ATP8B1: variants seen among roughly 807,000 people sequenced by gnomAD.
The protein encoded by ATP8B1 is phospholipid-transporting ATPase IC.
Under a neutral mutation model 149.9 loss-of-function variants are expected in ATP8B1, and 80 were observed. The observed-to-expected ratio is 0.53, with a 90% CI of 0.45 to 0.64. The LOEUF (loss-of-function observed/expected upper bound fraction) is 0.64, where lower values mean the gene tolerates loss of function less well. Among genes scored for constraint, ATP8B1 ranks in the 30% least tolerant of loss-of-function variants. The probability of loss-of-function intolerance (pLI) is 0.00; values close to 1 mark genes in which losing one functional copy is unlikely to be tolerated. For missense variants in ATP8B1, 1,247 were observed against 1,552.6 expected, an observed-to-expected ratio of 0.80 and a Z score of 3.31; for synonymous variants, 536 against 562.8, an observed-to-expected ratio of 0.95 and a Z score of 0.67.
chr18:57,661,674 T>TACAC (rs1360057007), intron 21 of ATP8B1, among the ~76,000 whole-genome samples: 1,273 of 39,412 alleles, frequency 0.032, 19 homozygotes, highest in African/African-American at 0.087. Context: ...TGTGTATGTA[T>TACAC]ATACACACAC....
chr18:57,766,859 C>T (rs1405767131), intron 1 of ATP8B1, among the ~76,000 whole-genome samples: 3 of 152,160 alleles, frequency 2.0e-5, no homozygotes, highest in African/African-American at 7.2e-5. Context: ...TCAAGAAAGC[C>T]TTTCCTAGAG....
At chr18:57,754,502 A>T (rs949789593) in intron 1 of ATP8B1, among the ~76,000 whole-genome samples, 9 of 152,122 alleles carry the variant, frequency 5.9e-5, no homozygotes, top group African/African-American at 2.2e-4. Context: ...TATCATCTGT[A>T]AAATGAGTAA....
chr18:57,798,676 G>A (rs2080542578), intron 1 of ATP8B1, among the ~76,000 whole-genome samples: 1 of 152,180 alleles, frequency 6.6e-6, no homozygotes, highest in Non-Finnish European at 1.5e-5. Flanking sequence ...CTGATGTGAT[G>A]GGTAAAGGGG....
At position 57,668,508 on chromosome 18, in the gene ATP8B1, T is replaced by C. The variant is rs1438667796; in HGVS notation, c.2130A>G (p.Leu710=). The change falls in exon 19 of 28, where the codon CTA becomes CTG. Residue 710 remains leucine, a synonymous_variant. Transcript: ENST00000648908. ...LLGATAIEDK[L]QDGVPETISK... ...AAATGGTTTCTGGAACTCCATCCTG[T>C]AGCTTGTCTTCAATAGCTGTAGCTC... 1 of 1,609,948 alleles carries C rather than the reference T, an allele frequency of 6.2e-7. No homozygotes were observed. Among genetic ancestry groups the C allele is most frequent in the East Asian group, 2.2e-5 (1 of 44,802 alleles).
chr18:57,671,685 C>A, intron 16 of ATP8B1, 105 bp from the exon 17 acceptor site: 2 of 787,382 alleles, frequency 2.5e-6, no homozygotes, highest in South Asian at 2.9e-5. Context: ...TGCAGCAGTT[C>A]AGTATCGGCT....
intron 4 of ATP8B1, among the ~76,000 whole-genome samples, 173 bp from the exon 5 acceptor site, chr18:57,701,486 T>C (rs1913119670): frequency 6.6e-6 from 1 of 152,208 alleles, no homozygotes; most frequent in Non-Finnish European, 1.5e-5. Flanking sequence ...AACCTCCTTC[T>C]AGTGGTTCTC....
intron 1 of ATP8B1, among the ~76,000 whole-genome samples, chr18:57,751,979 G>GC (rs2080025320): frequency 6.6e-6 from 1 of 152,058 alleles, no homozygotes; most frequent in African/African-American, 2.4e-5. Context: ...GCCGAGGTGG[G>GC]CAGATTGCTT....
chr18:57,781,494 G>A (rs2080356568), intron 1 of ATP8B1, among the ~76,000 whole-genome samples: 1 of 152,176 alleles, frequency 6.6e-6, no homozygotes, highest in African/African-American at 2.4e-5. Context: ...AAGATTAGGG[G>A]AGGTGTGAGT....
At chr18:57,692,515 A>C (rs184080317) in intron 11 of ATP8B1, among the ~76,000 whole-genome samples, 1 of 145,578 alleles carries the variant, frequency 6.9e-6, no homozygotes, top group Admixed American at 7.3e-5. Context: ...GGCTCACTAC[A>C]ACCTCCACCT....
At position 57,671,724 on chromosome 18, in the gene ATP8B1, G is replaced by A; in HGVS notation, c.1820-144C>T. ...TGTAGCCTCGACCCCCCAGGCTCAA[G>A]CAATCCTCCCATCTCAGCCTCCCGA... is the stretch of plus-strand genomic sequence containing the variant. On this transcript the variant is annotated intron_variant, in intron 16 of 27. Transcript: ENST00000648908. 8 of 652,092 alleles carry A rather than the reference G, an allele frequency of 1.2e-5. 1 individual carries two copies. The South Asian group carries it at 1.3e-4, about 10-fold the overall frequency. 40.4% of individuals were successfully genotyped at this position (652,092 alleles called of 1,614,324 possible).
At chr18:57,731,071 A>AC (rs1408598689) in intron 2 of ATP8B1, among the ~76,000 whole-genome samples, 19 of 152,054 alleles carry the variant, frequency 1.2e-4, no homozygotes, top group African/African-American at 4.1e-4. Flanking sequence ...AGGTGGGCAG[A>AC]TCCCTTGAGC....
intron 1 of ATP8B1, among the ~76,000 whole-genome samples, chr18:57,783,695 G>A (rs572214542): frequency 2.6e-5 from 4 of 152,204 alleles, no homozygotes; most frequent in Admixed American, 2.6e-4. Context: ...AATTAGCCAG[G>A]CATGGTGGCA....
At chr18:57,648,882 G>GTGTGTATGTA (rs1909396158) in intron 27 of ATP8B1, among the ~76,000 whole-genome samples, 170 bp from the exon 28 acceptor site, 1 of 134,668 alleles carries the variant, frequency 7.4e-6, no homozygotes, top group African/African-American at 3.0e-5. Context: ...GTGTGTGTGT[G>GTGTGTATGTA]TGTGTATGTG....
In ATP8B1 at chr18:57,661,380, A is replaced by C. The variant is rs750722728; in HGVS notation, c.2501T>G (p.Met834Arg). 1 of 1,613,776 alleles carries C rather than the reference A, an allele frequency of 6.2e-7. No individual in the cohort carries two copies. Among genetic ancestry groups the C allele is most frequent in the African/African-American group, 1.3e-5 (1 of 74,820 alleles). Residue 834 changes from methionine (M) to arginine (R), a missense_variant, in exon 22 of 28, where the codon ATG becomes AGG. Transcript: ENST00000648908. ...KFPRTEEERR[M>R]RTQSKRRLEA... ...TAGCCTCCTTTTACTTTGGGTCCGC[A>C]TCCGTCTTTCTTCTTCTGTTCTTGG...
chr18:57,667,448 T>TA (rs779535693), intron 19 of ATP8B1: 69 of 426,944 alleles, frequency 1.6e-4, no homozygotes, highest in Non-Finnish European at 2.7e-4. Flanking sequence ...GGCTCATTCT[T>TA]ACTGTTGAAC....
chr18:57,722,130 CCA>C (rs1327665539), intron 2 of ATP8B1, among the ~76,000 whole-genome samples: 13 of 147,430 alleles, frequency 8.8e-5, no homozygotes, highest in Non-Finnish European at 1.2e-4. Flanking sequence ...CACTAAATGC[CCA>C]CAAGAGAAAG....
intron 2 of ATP8B1, among the ~76,000 whole-genome samples, chr18:57,720,733 G>A (rs1310505995): frequency 1.5e-5 from 2 of 134,240 alleles, no homozygotes; most frequent in Non-Finnish European, 3.2e-5. Context: ...TCAGATTCAG[G>A]AAATACAGAG....
intron 1 of ATP8B1, among the ~76,000 whole-genome samples, chr18:57,764,794 TTGG>T (rs767103560): frequency 5.2e-4 from 77 of 148,682 alleles, no homozygotes; most frequent in Non-Finnish European, 8.1e-4. Flanking sequence ...AAAATAAGTG[TTGG>T]TGAGGCTGCA....
At chr18:57,680,661 G>T (rs1911915893) in intron 15 of ATP8B1, among the ~76,000 whole-genome samples, 1 of 150,766 alleles carries the variant, frequency 6.6e-6, no homozygotes, top group Non-Finnish European at 1.5e-5. Flanking sequence ...CTAGCTCTCA[G>T]ATGTCTTTTT....
Sources: gnomAD v4.1 joint callset for allele counts (sites outside exome capture counted in the v4.1 genomes callset) on GRCh38, gnomAD v4.1.1 for gene constraint, MANE v1.5 for transcripts, NCBI Gene and HGNC (gene_info 2026-07-23, HGNC 2026-07-21) for gene names.